ADCY3: variants seen among roughly 807,000 people sequenced by gnomAD.
ADCY3 encodes adenylate cyclase 3, also known as adenylate cyclase type 3.
ADCY3 carries 70 observed loss-of-function variants against 119.4 expected under a neutral mutation model. The observed-to-expected ratio is 0.59, with a 90% confidence interval of 0.48 to 0.72. The LOEUF (loss-of-function observed/expected upper bound fraction) is 0.72, where lower values mean the gene tolerates loss of function less well. Ranked by LOEUF, ADCY3 falls within the 30% of genes least tolerant of loss-of-function variation. The pLI is 0.00. For missense variants in ADCY3, 1,238 were observed against 1,541.6 expected (o/e 0.80, Z 3.30); for synonymous variants, 672 against 621.4 (o/e 1.08, Z -1.21).
chr2:24,821,287 G>C (rs947399822), intron 20 of ADCY3: 7 of 550,978 alleles, frequency 1.3e-5, no homozygotes, highest in East Asian at 1.0e-4. Context: ...AGCTTCTATT[G>C]TAACAGTAGG....
At chr2:24,822,848 G>T (rs990811311) in intron 18 of ADCY3, among the ~76,000 whole-genome samples, 1 of 152,036 alleles carries the variant, frequency 6.6e-6, no homozygotes, top group Non-Finnish European at 1.5e-5. Flanking sequence ...ACATAAAATC[G>T]GCAGTCTCCT....
At chr2:24,858,402 C>A (rs909898040) in intron 3 of ADCY3, among the ~76,000 whole-genome samples, 3 of 152,114 alleles carry the variant, frequency 2.0e-5, no homozygotes, top group African/African-American at 7.2e-5. Flanking sequence ...AAAACAGATA[C>A]CCACAGGCCA....
At position 24,834,621 on chromosome 2, in the gene ADCY3, A is replaced by C; in HGVS notation, c.1831T>G (p.Leu611Val). The change falls in exon 11 of 22, where the codon TTG (leucine) becomes GTG (valine). Residue 611 changes from leucine to valine, a missense_variant. Physicochemically the swap from Leu to Val is conservative, Grantham distance 32. Transcript: ENST00000679454. The surrounding 1 kb of genome is among the most constrained non-coding windows in gnomAD (Gnocchi z 4.2). The stretch of plus-strand genomic sequence containing the variant: ...TCGGGGTCCATGAACCGCATGGACA[A>C]GAGGAAGGTGTTTCTCTTCTTTACT... The part of the protein sequence containing the change: ...QVVKKRNTFL[L>V]SMRFMDPEME... 6.2e-7 allele frequency: 1 copy of C among 1,614,138 alleles called. No homozygotes were observed. Among genetic ancestry groups the C allele is most frequent in the Non-Finnish European group, 8.5e-7 (1 of 1,180,030 alleles).
At chr2:24,850,471 G>A (rs142596729) in intron 3 of ADCY3, among the ~76,000 whole-genome samples, 242 of 152,306 alleles carry the variant, frequency 1.6e-3, no homozygotes, top group Non-Finnish European at 2.9e-3. Flanking sequence ...GAGTGCAGGG[G>A]AGAGAGGCCA....
At chr2:24,821,413 G>A (rs1279177432) in intron 20 of ADCY3, 104 bp downstream of exon 20, 14 of 1,498,968 alleles carry the variant, frequency 9.3e-6, no homozygotes, top group East Asian at 9.2e-5. Flanking sequence ...CTCCCCACCC[G>A]AATTGCCTCA....
Position 24,842,441 on chromosome 2 carries a change from A to G in ADCY3, c.826-57T>C. 1 of 1,607,814 alleles carries G rather than the reference A, an allele frequency of 6.2e-7. No individual in the cohort carries two copies. Among genetic ancestry groups the G allele is most frequent in the Non-Finnish European group, 8.5e-7 (1 of 1,176,172 alleles). ...GGTAGGCCCTGCTAGAGGCAAGTTC[A>G]GATACTTCTGGGAAGAAATGCCCCG... On this transcript the variant is annotated intron_variant, in intron 3 of 21. Transcript: ENST00000679454. This position sits in a 1 kb window ranked among gnomAD's most constrained non-coding sequence, Gnocchi z 4.9.
At chr2:24,890,410 T>C (rs1047268542) in intron 2 of ADCY3, among the ~76,000 whole-genome samples, 1 of 152,248 alleles carries the variant, frequency 6.6e-6, no homozygotes, top group Non-Finnish European at 1.5e-5. Flanking sequence ...TTATTTCATT[T>C]TTAAATGTCT....
intron 2 of ADCY3, among the ~76,000 whole-genome samples, chr2:24,883,628 C>T (rs1041990075): frequency 1.3e-5 from 2 of 152,220 alleles, no homozygotes; most frequent in Non-Finnish European, 2.9e-5. Context: ...GCTTTCTTAC[C>T]TATAAGCAAC....
chr2:24,853,165 T>C (rs1672586309), intron 3 of ADCY3, among the ~76,000 whole-genome samples: 1 of 151,956 alleles, frequency 6.6e-6, no homozygotes, highest in African/African-American at 2.4e-5. Flanking sequence ...AACCGAGGAC[T>C]GGGGTATAAG....
At position 24,883,835 on chromosome 2, in the gene ADCY3, C is replaced by T. The variant is rs538359777; in HGVS notation, c.676-11116G>A. Among the ~76,000 whole-genome samples, 11 of 152,286 alleles carry T rather than the reference C, an allele frequency of 7.2e-5. No homozygotes were observed. The South Asian group carries it at 2.3e-3, about 32-fold the overall frequency. ...ACAGATCACTGATGACACAGAAACA[C>T]CAAGCCCTTATTCTCTTGTGTTTGT... On this transcript the variant is annotated intron_variant, in intron 2 of 21. Coordinates refer to ENST00000679454, the MANE Select transcript of ADCY3 (RefSeq NM_004036.5).
At chr2:24,823,498 T>C (rs1668107927) in intron 17 of ADCY3, 143 bp from the exon 18 acceptor site, 4 of 944,966 alleles carry the variant, frequency 4.2e-6, no homozygotes, top group Non-Finnish European at 6.0e-6. Flanking sequence ...CAGCATTTTT[T>C]TTTTTTTTTT....
chr2:24,827,599 C>T lies in ADCY3; in HGVS notation c.2442G>A (p.Met814Ile). The T allele has an allele frequency of 6.3e-7, 1 of 1,586,548 alleles. No homozygotes were observed. The highest frequency in any genetic ancestry group is 8.6e-7 in the Non-Finnish European group (1 of 1,163,344). Residue 814 changes from methionine to isoleucine, a missense_variant, in exon 15 of 22, where the codon ATG becomes ATA. Met to Ile is a conservative substitution (Grantham distance 10). Around this residue, in one of 7 missense-constraint regions of ADCY3, gnomAD observed 499 missense variants for 571.0 expected, o/e 0.87. Transcript: ENST00000679454. The stretch of plus-strand genomic sequence containing the variant: ...ATCCTTGCATCTGCTCTAAGGCCAC[C>T]ATAGGTAAGCTGTTGGACAGATAAC... Reference protein sequence around the residue: ...HKRFREHDLPMVALEQMQGFN... With the variant: ...HKRFREHDLPIVALEQMQGFN...
Position 24,834,411 on chromosome 2 carries a change from A to AGGGGTGGGGGGGGGGGGGGGG in ADCY3, c.1967+73_1967+74insCCCCCCCCCCCCCCCCACCCC. On this transcript the variant is annotated intron_variant, in intron 11 of 21. Coordinates refer to ENST00000679454, the MANE Select transcript of ADCY3 (RefSeq NM_004036.5). The surrounding 1 kb of genome is among the most constrained non-coding windows in gnomAD (Gnocchi z 4.2). Reference sequence around the variant, plus strand: ...TCCCCAATGTCAGGCTCCCGCTGAGACACCTGCCCCCGCCCCCCGCCCGGC... The same window carrying AGGGGTGGGGGGGGGGGGGGGG: ...TCCCCAATGTCAGGCTCCCGCTGAGAGGGGTGGGGGGGGGGGGGGGGCACCTGCCCCCGCCCCCCGCCCGGC... The AGGGGTGGGGGGGGGGGGGGGG allele has an allele frequency of 8.1e-7, 1 of 1,237,222 alleles. No individual in the cohort carries two copies. The highest frequency in any genetic ancestry group is 1.1e-6 in the Non-Finnish European group (1 of 885,548). The allele number at this position is 1,237,222 out of a possible 1,614,324, so 76.6% of individuals were successfully genotyped here. A position where few individuals can be genotyped will look rare whatever the true frequency, so the allele number is the denominator to read the frequency against.
Position 24,884,207 on chromosome 2 carries a change from G to A in ADCY3, c.676-11488C>T, listed in dbSNP as rs1005784216. 6.6e-5 allele frequency among the ~76,000 whole-genome samples: 10 copies of A among 152,108 alleles called. No individual in the cohort carries two copies. In the East Asian group the frequency reaches 7.8e-4, roughly 12 times the overall value. ...GTGTTTCTGGGCCAGGTGCACCAGC[G>A]TCCCAAAGGGAGCTGGTTAAAATGG... On this transcript the variant is annotated intron_variant, in intron 2 of 21. Transcript: ENST00000679454.
Position 24,918,814 on chromosome 2 carries a change from C to T in ADCY3, c.174G>A (p.Val58=). 6.2e-7 allele frequency: 1 copy of T among 1,613,782 alleles called. No individual in the cohort carries two copies. Among genetic ancestry groups the T allele is most frequent in the South Asian group, 1.1e-5 (1 of 91,080 alleles). The change falls in exon 2 of 22, where the codon GTG becomes GTA. Residue 58 remains valine, a synonymous_variant. Transcript: ENST00000679454. This position sits in a 1 kb window ranked among gnomAD's most constrained non-coding sequence, Gnocchi z 5.4. ...CLPRFMRLTF[V]PESLENLYQT... ...GGTAGAGGTTCTCCAAGGACTCCGG[C>T]ACGAAAGTCAGCCGCATGAAGCGAG...
chr2:24,850,474 A>G (rs1271559746), intron 3 of ADCY3, among the ~76,000 whole-genome samples: 1 of 152,114 alleles, frequency 6.6e-6, no homozygotes, highest in Non-Finnish European at 1.5e-5. Flanking sequence ...TGCAGGGGAG[A>G]GAGGCCACCC....
rs1328959815 is a variant in ADCY3, at chr2:24,872,439, A to C, written c.825+131T>G. ...AGCCCAGAAGACAAAGTTCAGAAGC[A>C]AACACCTGAACAGGGTGGATGAACG... On this transcript the variant is annotated intron_variant, in intron 3 of 21. Coordinates refer to ENST00000679454, the MANE Select transcript of ADCY3 (RefSeq NM_004036.5). The surrounding 1 kb of genome is among the most constrained non-coding windows in gnomAD (Gnocchi z 4.4). 5.2e-6 allele frequency: 6 copies of C among 1,159,096 alleles called. No homozygotes were observed. The highest frequency in any genetic ancestry group is 7.3e-6 in the Non-Finnish European group (6 of 821,590). 71.8% of individuals were successfully genotyped at this position (1,159,096 alleles called of 1,614,324 possible). A position where few individuals can be genotyped will look rare whatever the true frequency, so the allele number is the denominator to read the frequency against.
In ADCY3 at chr2:24,908,851, G is replaced by A. The variant is rs368604113; in HGVS notation, c.675+9462C>T. 4.6e-5 allele frequency among the ~76,000 whole-genome samples: 7 copies of A among 152,154 alleles called. No individual in the cohort carries two copies. In the East Asian group the frequency reaches 9.6e-4, roughly 21 times the overall value. On this transcript the variant is annotated intron_variant, in intron 2 of 21. Coordinates refer to ENST00000679454, the MANE Select transcript of ADCY3 (RefSeq NM_004036.5). The stretch of plus-strand genomic sequence containing the variant: ...GCTACCTGGGACAATCATGGGTCCC[G>A]GCAGGAAGCAGGGGCGGGTTACAGA...
At chr2:24,838,941 ATTT>A (rs377483153) in intron 7 of ADCY3, 5,078 of 1,124,674 alleles carry the variant, frequency 4.5e-3, no homozygotes, top group East Asian at 6.6e-3. Flanking sequence ...GCGATAAGGA[ATTT>A]TTTTTTTTTT....
Sources: allele counts gnomAD v4.1 joint callset (sites outside exome capture counted in the v4.1 genomes callset), GRCh38; gene constraint gnomAD v4.1.1; regional missense constraint gnomAD v4.1.1; non-coding constraint Gnocchi (gnomAD v3.1); transcripts MANE v1.5; gene names NCBI Gene and HGNC (gene_info 2026-07-23, HGNC 2026-07-21).